The following EFCAB5 variants were observed in gnomAD, a reference collection of about 807,000 sequenced individuals.
The protein encoded by EFCAB5 is EF-hand calcium-binding domain-containing protein 5.
EFCAB5 carries 131 observed loss-of-function variants against 167.9 expected under a neutral mutation model. That is an observed-to-expected ratio of 0.78 (90% CI 0.68 to 0.90). The LOEUF (loss-of-function observed/expected upper bound fraction) is 0.90, where lower values mean the gene tolerates loss of function less well. EFCAB5 is among the 40% of genes least tolerant of loss of function. The pLI is 0.00. For missense variants in EFCAB5, 1,663 were observed against 1,745.2 expected (o/e 0.95, Z 0.84); for synonymous variants, 574 against 602.8 (o/e 0.95, Z 0.70).
chr17:30,082,513 C>T (rs2071008456), intron 17 of EFCAB5, among the ~76,000 whole-genome samples: 1 of 150,804 alleles, frequency 6.6e-6, no homozygotes, highest in Non-Finnish European at 1.5e-5. Context: ...GCCTCAGCCT[C>T]CTGAGTAGCT....
At chr17:30,026,944 CT>C (rs1290059083) in intron 7 of EFCAB5, among the ~76,000 whole-genome samples, 4 of 112,726 alleles carry the variant, frequency 3.5e-5, no homozygotes, top group Admixed American at 2.0e-4. Flanking sequence ...GAATGATTTC[CT>C]TGTACCTCCT....
intron 15 of EFCAB5, among the ~76,000 whole-genome samples, chr17:30,079,803 C>T (rs2070945900): frequency 6.6e-6 from 1 of 152,152 alleles, no homozygotes; most frequent in Admixed American, 6.5e-5. Flanking sequence ...TTTGAGTAGA[C>T]TTGAGAGTTT....
At chr17:30,030,272 AT>A (rs931600985) in intron 7 of EFCAB5, among the ~76,000 whole-genome samples, 28 of 150,932 alleles carry the variant, frequency 1.9e-4, no homozygotes, top group African/African-American at 3.2e-4. Flanking sequence ...GCTCCAGAAT[AT>A]TTTTTTTTTC....
intron 14 of EFCAB5, chr17:30,073,755 C>T: frequency 1.5e-6 from 1 of 673,644 alleles, no homozygotes; most frequent in Non-Finnish European, 2.8e-6. Context: ...CCTATGCATC[C>T]CATACTCCTA....
At chr17:29,954,241 T>C (rs1262898815) in intron 3 of EFCAB5, among the ~76,000 whole-genome samples, 1 of 152,000 alleles carries the variant, frequency 6.6e-6, no homozygotes, top group Non-Finnish European at 1.5e-5. Flanking sequence ...CACCAAGACA[T>C]GTGTAGAAAA....
intron 6 of EFCAB5, among the ~76,000 whole-genome samples, chr17:29,996,916 C>A (rs1291622091): frequency 1.3e-5 from 2 of 152,142 alleles, no homozygotes; most frequent in Non-Finnish European, 2.9e-5. Context: ...CCTGGATAAT[C>A]TCATCCAGTT....
At chr17:30,043,772 T>A (rs1473153057) in intron 8 of EFCAB5, among the ~76,000 whole-genome samples, 1 of 152,194 alleles carries the variant, frequency 6.6e-6, no homozygotes, top group African/African-American at 2.4e-5. Context: ...ACTATATGAA[T>A]GAATCAAAAA....
chr17:29,990,105 C>A lies in EFCAB5; in HGVS notation c.768-3060C>A, dbSNP rs527971080. ...CAGAAGTTATAATTGGTTGAAGAGT[C>A]TCAAGTTGTCCATTGGGCCCTTCGC... On this transcript the variant is annotated intron_variant, in intron 4 of 22. Transcript: ENST00000394835. Among the ~76,000 whole-genome samples, 3 of 152,238 alleles carry A rather than the reference C, an allele frequency of 2.0e-5. No individual in the cohort carries two copies. In the South Asian group the frequency reaches 6.2e-4, roughly 32 times the overall value.
chr17:29,939,607 T>A (rs1376079647), upstream of EFCAB5, among the ~76,000 whole-genome samples: 1 of 152,240 alleles, frequency 6.6e-6, no homozygotes, highest in Non-Finnish European at 1.5e-5. Context: ...TTGCTGCAAC[T>A]TCTACATCAG....
chr17:30,029,016 A>G (rs2069406906), intron 7 of EFCAB5, among the ~76,000 whole-genome samples: 1 of 152,196 alleles, frequency 6.6e-6, no homozygotes, highest in African/African-American at 2.4e-5. Context: ...TTTAGGGAGT[A>G]AAACTTAGCT....
rs35262851 is a variant in EFCAB5 at position 29,932,449 on chromosome 17, CTTTTTTTTT to C, written c.-127+3135_-127+3143del. On this transcript the variant is annotated intron_variant, in intron 1 of 3. Transcript: ENST00000448319. ...TACAGATGTGAGCCACTGTGCCCGG[CTTTTTTTTT>C]TTTTTTTTTTTTTTGACACGGATTT... 1.3e-3 allele frequency among the ~76,000 whole-genome samples: 90 copies of C among 66,742 alleles called. 1 individual carries two copies. The highest frequency in any genetic ancestry group is 4.6e-3 in the African/African-American group (86 of 18,620). The allele number at this position is 66,742 out of a possible 152,430, so 43.8% of individuals were successfully genotyped here. A position where few individuals can be genotyped will look rare whatever the true frequency, so the allele number is the denominator to read the frequency against.
intron 14 of EFCAB5, among the ~76,000 whole-genome samples, chr17:30,063,646 C>T (rs1184253764): frequency 6.6e-6 from 1 of 152,150 alleles, no homozygotes; most frequent in Non-Finnish European, 1.5e-5. Flanking sequence ...TTTGGGAGAT[C>T]CTGTGCTTAG....
intron 5 of EFCAB5, among the ~76,000 whole-genome samples, chr17:29,994,374 T>A (rs2151639782): frequency 6.6e-6 from 1 of 151,816 alleles, no homozygotes; most frequent in South Asian, 2.1e-4. Context: ...CCAAAGTGCT[T>A]GCCAAAAGTG....
intron 7 of EFCAB5, among the ~76,000 whole-genome samples, chr17:30,025,365 A>T (rs889896262): frequency 1.5e-4 from 23 of 152,232 alleles, no homozygotes; most frequent in African/African-American, 5.5e-4. Context: ...AAAGGGTATG[A>T]ACAGACACTT....
chr17:30,045,408 A>G (rs910944169), intron 8 of EFCAB5, among the ~76,000 whole-genome samples: 5 of 150,584 alleles, frequency 3.3e-5, no homozygotes, highest in African/African-American at 1.2e-4. Flanking sequence ...CAGTGAGCCA[A>G]GATCGTGCCA....
chr17:29,973,128 C>T (rs1257552317), intron 4 of EFCAB5: 1 of 152,484 alleles, frequency 6.6e-6, no homozygotes, highest in Non-Finnish European at 1.5e-5. Context: ...CCAACTACTT[C>T]TGTCACAGGA....
chr17:29,958,951 A>G (rs1401986461), intron 3 of EFCAB5, among the ~76,000 whole-genome samples: 1 of 152,184 alleles, frequency 6.6e-6, no homozygotes, highest in Non-Finnish European at 1.5e-5. Context: ...TACCAGGCAG[A>G]GACTCTTGTT....
intron 7 of EFCAB5, among the ~76,000 whole-genome samples, chr17:30,001,303 C>T (rs891307289): frequency 5.3e-5 from 8 of 152,130 alleles, no homozygotes; most frequent in African/African-American, 1.7e-4. Flanking sequence ...AAGAAAAATA[C>T]ACAGAGGAAC....
At chr17:29,969,452 C>A in intron 4 of EFCAB5, 85 bp downstream of exon 4, 1 of 1,196,372 alleles carries the variant, frequency 8.4e-7, no homozygotes, top group Non-Finnish European at 1.1e-6. Context: ...ATGGACAGGA[C>A]TTAAAACAAG....
Sources: allele counts gnomAD v4.1 joint callset (sites outside exome capture counted in the v4.1 genomes callset), GRCh38; gene constraint gnomAD v4.1.1; transcripts MANE v1.5; gene names NCBI Gene and HGNC (gene_info 2026-07-23, HGNC 2026-07-21).